CDC23: variants seen among roughly 807,000 people sequenced by gnomAD.
CDC23 encodes cell division cycle protein 23 homolog.
Under a neutral mutation model 81.7 loss-of-function variants are expected in CDC23, and 26 were observed. That is an observed-to-expected ratio of 0.32 (90% confidence interval 0.23 to 0.44). The LOEUF is 0.44. CDC23 is among the 20% of genes least tolerant of loss of function. The probability of loss-of-function intolerance (pLI) is 1.00; values close to 1 mark genes in which losing one functional copy is unlikely to be tolerated. For missense variants in CDC23, 519 were observed against 728.0 expected (o/e 0.71, Z 3.30); for synonymous variants, 267 against 270.8 (o/e 0.99, Z 0.14).
chr5:138,201,800 CCACA>C (rs1200955410), intron 4 of CDC23, among the ~76,000 whole-genome samples: 1 of 152,130 alleles, frequency 6.6e-6, no homozygotes, highest in Admixed American at 6.5e-5. Flanking sequence ...TCTGTTAGAC[CCACA>C]CAGTTTTTAT....
intron 3 of CDC23, among the ~76,000 whole-genome samples, chr5:138,205,177 A>G (rs1253450499): frequency 6.6e-6 from 1 of 152,086 alleles, no homozygotes; most frequent in East Asian, 1.9e-4. Flanking sequence ...TTTTATCCCA[A>G]ACTTCAGCAA....
chr5:138,192,814 T>C (rs1307877501), intron 9 of CDC23, among the ~76,000 whole-genome samples, 157 bp from the exon 10 acceptor site: 2 of 152,206 alleles, frequency 1.3e-5, no homozygotes, highest in Non-Finnish European at 2.9e-5. Context: ...AAATATTCCC[T>C]TGGGAAATAT....
intron 6 of CDC23, among the ~76,000 whole-genome samples, chr5:138,200,545 C>T (rs1754975802): frequency 2.0e-5 from 3 of 151,608 alleles, no homozygotes; most frequent in African/African-American, 4.8e-5. Flanking sequence ...ATAGGCTGGG[C>T]GTGGTGGTTC....
At chr5:138,210,385 G>A (rs772428520) in intron 2 of CDC23, among the ~76,000 whole-genome samples, 3 of 151,822 alleles carry the variant, frequency 2.0e-5, no homozygotes, top group African/African-American at 7.3e-5. Flanking sequence ...AATTAGCTGG[G>A]TGTGGTGGCA....
chr5:138,202,106 T>C lies in CDC23; in HGVS notation c.415+7A>G. ...TAGGTCAAAAGGTAAAAGAAAAAAA[T>C]TCGTACCTAAGCTATCAACTGTTTC... On this transcript the variant is annotated splice_region_variant and intron_variant, in intron 4 of 15. Transcript: ENST00000394886. The C allele has an allele frequency of 6.2e-7, 1 of 1,607,638 alleles. No individual in the cohort carries two copies. The highest frequency in any genetic ancestry group is 8.5e-7 in the Non-Finnish European group (1 of 1,177,190).
At chr5:138,193,422 C>T (rs1754847661) in intron 9 of CDC23, among the ~76,000 whole-genome samples, 1 of 151,232 alleles carries the variant, frequency 6.6e-6, no homozygotes, top group Admixed American at 6.6e-5. Flanking sequence ...ATGGCAAAAC[C>T]CTGTCTCTAC....
intron 4 of CDC23, 140 bp downstream of exon 4, chr5:138,201,973 A>G: frequency 3.1e-6 from 2 of 636,892 alleles, no homozygotes; most frequent in Admixed American, 3.0e-5. Context: ...GCTGGGTACA[A>G]GGTAGCTGAG....
rs1754838237 is a variant in CDC23 at position 138,192,517 on chromosome 5, T to C, written c.1153A>G (p.Ile385Val). The change falls in exon 10 of 16, where the codon ATC becomes GTC. Residue 385 changes from isoleucine to valine, a missense_variant. Ile to Val is a conservative substitution (Grantham distance 29). Coordinates refer to ENST00000394886, the MANE Select transcript of CDC23 (RefSeq NM_004661.4). ...ATAGATAATCACCTATAAGCCTGGA[T>C]AGCAGCAGACGTGTTCTTCATCTCC... ...YMEMKNTSAA[I>V]QAYRHAIEVN... 2 of 1,613,980 alleles carry C rather than the reference T, an allele frequency of 1.2e-6. No homozygotes were observed. Among genetic ancestry groups the C allele is most frequent in the African/African-American group, 1.3e-5 (1 of 74,930 alleles).
intron 3 of CDC23, among the ~76,000 whole-genome samples, chr5:138,205,696 GAA>G (rs35284930): frequency 2.7e-4 from 34 of 126,984 alleles, no homozygotes; most frequent in East Asian, 1.4e-3. Context: ...TGGTAAATTG[GAA>G]AAAAAAAAAA....
At chr5:138,196,890 C>CTTTTTTTTTTTTTTTTT (rs34002952) in intron 9 of CDC23, among the ~76,000 whole-genome samples, 1 of 113,426 alleles carries the variant, frequency 8.8e-6, no homozygotes, top group Non-Finnish European at 1.8e-5. Flanking sequence ...TTTTTTTTTC[C>CTTTTTTTTTTTTTTTTT]TTTTTTTTTT....
At chr5:138,202,179 G>T in intron 3 of CDC23, 24 bp from the exon 4 acceptor site, 1 of 1,586,336 alleles carries the variant, frequency 6.3e-7, no homozygotes. Context: ...TCAACAAATA[G>T]GTCTTTTTTC....
rs527671242 is a variant in CDC23, at chr5:138,189,030, T to C, written c.1742A>G (p.Asn581Ser). The C allele has an allele frequency of 3.8e-5, 62 of 1,614,046 alleles. No homozygotes were observed. The Admixed American group carries it at 5.2e-4, about 13-fold the overall frequency. ...TGGAGAAACTCTGCGTGTGGGGGTA[T>C]TGTTAGCAGAGAGTGAAGCAGGTAG... ...FFLPASLSAN[N>S]TPTRRVSPLN... Residue 581 changes from asparagine (N) to serine (S), a missense_variant, in exon 16 of 16, where the codon AAT (asparagine) becomes AGT (serine). Coordinates refer to ENST00000394886, the MANE Select transcript of CDC23 (RefSeq NM_004661.4).
chr5:138,194,991 T>C lies in CDC23; in HGVS notation c.1013-2334A>G, dbSNP rs181497575. On this transcript the variant is annotated intron_variant, in intron 9 of 15. Transcript: ENST00000394886. ...CCCGCCCAGGCTGGTCTTGAACTCC[T>C]GGGCTCAAGTAATCCTCCTGCCTCA... Among the ~76,000 whole-genome samples, 524 of 152,074 alleles carry C rather than the reference T, an allele frequency of 3.4e-3. 3 individuals are homozygous for C. Among genetic ancestry groups the C allele is most frequent in the African/African-American group, 0.012 (507 of 41,490 alleles).
intron 2 of CDC23, among the ~76,000 whole-genome samples, chr5:138,211,673 A>AAG (rs1161149074): frequency 1.3e-5 from 2 of 152,098 alleles, no homozygotes; most frequent in African/African-American, 4.8e-5. Context: ...AAAAAAAAAA[A>AAG]AGTAAAATAA....
intron 9 of CDC23, among the ~76,000 whole-genome samples, chr5:138,194,413 C>T (rs551651136): frequency 6.6e-6 from 1 of 151,952 alleles, no homozygotes; most frequent in African/African-American, 2.4e-5. Context: ...AGAGAGAGAC[C>T]GTGTCTCAAA....
At chr5:138,190,315 G>A (rs1029822493) in intron 13 of CDC23, among the ~76,000 whole-genome samples, 5 of 151,742 alleles carry the variant, frequency 3.3e-5, no homozygotes, top group Non-Finnish European at 7.4e-5. Context: ...AAAATTAGCC[G>A]GGCGTTGTGA....
At chr5:138,210,338 A>G (rs1320270392) in intron 2 of CDC23, among the ~76,000 whole-genome samples, 1 of 151,996 alleles carries the variant, frequency 6.6e-6, no homozygotes. Context: ...CAGCCTGGCC[A>G]ACACGGTGAA....
At chr5:138,203,167 G>A (rs975827128) in intron 3 of CDC23, among the ~76,000 whole-genome samples, 4 of 152,000 alleles carry the variant, frequency 2.6e-5, no homozygotes, top group Admixed American at 1.3e-4. Context: ...GGAGGAGAGA[G>A]GGAAAGGAAA....
intron 2 of CDC23, among the ~76,000 whole-genome samples, chr5:138,211,237 A>G (rs1755109619): frequency 6.6e-6 from 1 of 152,232 alleles, no homozygotes; most frequent in Non-Finnish European, 1.5e-5. Flanking sequence ...GCTAGAGGCC[A>G]TTATCCAAAG....
Sources: allele counts gnomAD v4.1 joint callset (sites outside exome capture counted in the v4.1 genomes callset), GRCh38; gene constraint gnomAD v4.1.1; transcripts MANE v1.5; gene names NCBI Gene and HGNC (gene_info 2026-07-23, HGNC 2026-07-21).